GALNT17: variants seen among roughly 807,000 people sequenced by gnomAD.
GALNT17 encodes the protein polypeptide N-acetylgalactosaminyltransferase 17.
Under a neutral mutation model 63.7 loss-of-function variants are expected in GALNT17, and 29 were observed. The observed-to-expected ratio is 0.46, with a 90% confidence interval of 0.34 to 0.62. The LOEUF is 0.62. Among genes scored for constraint, GALNT17 ranks in the 20% least tolerant of loss-of-function variants. GALNT17 has a pLI of 0.01. For synonymous variants in GALNT17, 305 were observed against 318.3 expected (o/e 0.96, Z 0.45); for missense variants, 603 against 799.6 (o/e 0.75, Z 2.97).
chr7:71,588,982 G>A (rs1311415235), intron 6 of GALNT17, among the ~76,000 whole-genome samples: 1 of 152,088 alleles, frequency 6.6e-6, no homozygotes, highest in African/African-American at 2.4e-5. Context: ...GCCCACATAA[G>A]GGTCAATACG....
chr7:71,400,056 A>G (rs1583919891), intron 3 of GALNT17, among the ~76,000 whole-genome samples: 1 of 152,158 alleles, frequency 6.6e-6, no homozygotes, highest in Non-Finnish European at 1.5e-5. Context: ...ATAGGTATAC[A>G]TGTGCCATGG....
intron 1 of GALNT17, among the ~76,000 whole-genome samples, chr7:71,301,438 AT>A (rs888397554): frequency 8.8e-5 from 13 of 147,770 alleles, no homozygotes; most frequent in African/African-American, 3.2e-4. Context: ...TATAACATAT[AT>A]TTTAAATATT....
intron 1 of GALNT17, among the ~76,000 whole-genome samples, chr7:71,142,044 G>GTGTGTA (rs1787906383): frequency 6.8e-6 from 1 of 146,698 alleles, no homozygotes; most frequent in Non-Finnish European, 1.5e-5. Flanking sequence ...GTGTGTGTGT[G>GTGTGTA]TGTTTAGTAG....
At chr7:71,440,655 T>C (rs1787049524) in intron 5 of GALNT17, among the ~76,000 whole-genome samples, 1 of 152,194 alleles carries the variant, frequency 6.6e-6, no homozygotes, top group African/African-American at 2.4e-5. Context: ...ATTACAGGTG[T>C]GAGCCACCGC....
At chr7:71,531,135 GT>G (rs1236211556) in intron 5 of GALNT17, among the ~76,000 whole-genome samples, 112 of 152,100 alleles carry the variant, frequency 7.4e-4, no homozygotes, top group African/African-American at 2.5e-3. Flanking sequence ...ATAAAAAGTA[GT>G]ACACGTATGC....
intron 1 of GALNT17, among the ~76,000 whole-genome samples, chr7:71,306,094 G>A (rs1583846860): frequency 6.6e-6 from 1 of 151,988 alleles, no homozygotes; most frequent in South Asian, 2.1e-4. Context: ...GTGGTGCGTG[G>A]CTGTAATCCC....
At chr7:71,428,312 A>G (rs1472643838) in intron 5 of GALNT17, among the ~76,000 whole-genome samples, 1 of 151,984 alleles carries the variant, frequency 6.6e-6, no homozygotes, top group Non-Finnish European at 1.5e-5. Flanking sequence ...GGATTTGCCT[A>G]TTTTGGACAT....
chr7:71,677,399 CT>C, intron 9 of GALNT17, 93 bp downstream of exon 9: 1 of 1,240,394 alleles, frequency 8.1e-7, no homozygotes, highest in Non-Finnish European at 1.1e-6. Flanking sequence ...TTGTTGCTGT[CT>C]ACCTTGGTAG....
intron 2 of GALNT17, among the ~76,000 whole-genome samples, chr7:71,387,343 G>C (rs1372510348): frequency 6.6e-6 from 1 of 151,324 alleles, no homozygotes. Context: ...GGCGGGGAGG[G>C]GGAACAGGGT....
At chr7:71,679,888 C>G (rs1791214139) in intron 9 of GALNT17, among the ~76,000 whole-genome samples, 1 of 86,096 alleles carries the variant, frequency 1.2e-5, no homozygotes, top group South Asian at 7.1e-4. Context: ...TTTTCTTTTT[C>G]CCTCCCTCCC....
chr7:71,601,768 G>C (rs1200813472), intron 6 of GALNT17, among the ~76,000 whole-genome samples: 1 of 152,086 alleles, frequency 6.6e-6, no homozygotes, highest in East Asian at 1.9e-4. Flanking sequence ...GTGGGCATCA[G>C]AGCAAGACCC....
At chr7:71,237,773 T>C (rs1185988116) in intron 1 of GALNT17, among the ~76,000 whole-genome samples, 3 of 152,116 alleles carry the variant, frequency 2.0e-5, no homozygotes, top group African/African-American at 7.2e-5. Flanking sequence ...AAATAATTAG[T>C]GGCTAAATAA....
chr7:71,542,559 G>A (rs759659894), intron 5 of GALNT17, among the ~76,000 whole-genome samples: 2 of 151,906 alleles, frequency 1.3e-5, no homozygotes, highest in Non-Finnish European at 2.9e-5. Context: ...AGCCAGGTGT[G>A]GTGGCACGTG....
At chr7:71,504,127 C>T (rs911914716) in intron 5 of GALNT17, among the ~76,000 whole-genome samples, 6 of 151,748 alleles carry the variant, frequency 4.0e-5, no homozygotes, top group Admixed American at 6.6e-5. Context: ...ACTCGGGAGG[C>T]TGAGGCAGGA....
intron 9 of GALNT17, among the ~76,000 whole-genome samples, chr7:71,694,298 G>A (rs1343143580): frequency 1.3e-5 from 2 of 151,736 alleles, no homozygotes; most frequent in African/African-American, 2.4e-5. Flanking sequence ...TTTGGGTGGG[G>A]ACAGAGTCAA....
At chr7:71,324,555 G>A (rs1283635853) in intron 1 of GALNT17, among the ~76,000 whole-genome samples, 1 of 152,152 alleles carries the variant, frequency 6.6e-6, no homozygotes, top group African/African-American at 2.4e-5. Context: ...CTACTTGGGA[G>A]GTTGAGGCAG....
chr7:71,591,174 A>C (rs932024178), intron 6 of GALNT17, among the ~76,000 whole-genome samples: 10 of 152,098 alleles, frequency 6.6e-5, no homozygotes, highest in Admixed American at 1.3e-4. Flanking sequence ...CTCCTGCCTC[A>C]GGCTTCTGAG....
At chr7:71,565,792 C>A in intron 5 of GALNT17, among the ~76,000 whole-genome samples, 1 of 151,948 alleles carries the variant, frequency 6.6e-6, no homozygotes, top group East Asian at 1.9e-4. Context: ...TGGACCCAGT[C>A]CATAGTTCTG....
chr7:71,530,587 T>TTTA (rs1340840060), intron 5 of GALNT17, among the ~76,000 whole-genome samples: 1 of 143,720 alleles, frequency 7.0e-6, no homozygotes, highest in Non-Finnish European at 1.5e-5. Flanking sequence ...TATTTATTTA[T>TTTA]TTTTGAGACA....
Sources: allele counts gnomAD v4.1 joint callset (sites outside exome capture counted in the v4.1 genomes callset), GRCh38; gene constraint gnomAD v4.1.1; transcripts MANE v1.5; gene names NCBI Gene and HGNC (gene_info 2026-07-23, HGNC 2026-07-21).